The following FMNL2 variants were observed in gnomAD, a reference collection of about 807,000 sequenced individuals.
The protein encoded by FMNL2 is formin like 2, also known as formin-like protein 2.
A neutral mutation model predicts 130.2 loss-of-function variants in FMNL2; 51 were observed. The ratio of observed to expected loss-of-function variants is 0.39; its 90% CI spans 0.31 to 0.49. The LOEUF (loss-of-function observed/expected upper bound fraction) is 0.49. Among genes scored for constraint, FMNL2 ranks in the 20% least tolerant of loss-of-function variants. FMNL2 has a pLI of 0.85. For synonymous variants in FMNL2, 465 were observed against 467.1 expected, an observed-to-expected ratio of 1.00 and a Z score of 0.06; for missense variants, 977 against 1,316.2, an observed-to-expected ratio of 0.74 and a Z score of 3.99.
rs983387093 is a variant in FMNL2, at chr2:152,577,298, A to G, written c.706-1590A>G. Among the ~76,000 whole-genome samples the G allele has an allele frequency of 2.0e-5, 3 of 152,242 alleles. No homozygotes were observed. The East Asian group carries it at 5.8e-4, about 29-fold the overall frequency. The stretch of plus-strand genomic sequence containing the variant: ...CTGTGAGATATATTTGCTATCTACA[A>G]AGATGGGAAGACTGCAGGATAGATG... On this transcript the variant is annotated intron_variant, in intron 7 of 25. Transcript: ENST00000288670.
chr2:152,517,361 T>C (rs7591606), intron 1 of FMNL2, among the ~76,000 whole-genome samples: 124,031 of 152,106 alleles, frequency 0.82, 51,211 homozygotes, highest in Non-Finnish European at 0.9. Context: ...TTCAACAACC[T>C]GCTTAATGCC....
intron 1 of FMNL2, among the ~76,000 whole-genome samples, chr2:152,476,264 A>G (rs1690147339): frequency 6.6e-6 from 1 of 152,208 alleles, no homozygotes; most frequent in African/African-American, 2.4e-5. Flanking sequence ...CCATTTGATG[A>G]TATATTTGTA....
At chr2:152,620,765 A>G (rs1046812951) in intron 15 of FMNL2, among the ~76,000 whole-genome samples, 2 of 152,140 alleles carry the variant, frequency 1.3e-5, no homozygotes, top group African/African-American at 4.8e-5. Flanking sequence ...ATTCATCCCA[A>G]TGACTGGAGC....
intron 2 of FMNL2, among the ~76,000 whole-genome samples, chr2:152,535,414 C>T (rs1579905712): frequency 6.6e-6 from 1 of 152,206 alleles, no homozygotes; most frequent in African/African-American, 2.4e-5. Flanking sequence ...GGAAGAGCCT[C>T]ACCTTTCTTT....
intron 1 of FMNL2, among the ~76,000 whole-genome samples, chr2:152,401,488 AAG>A (rs1685689292): frequency 6.6e-6 from 1 of 152,220 alleles, no homozygotes; most frequent in Non-Finnish European, 1.5e-5. Flanking sequence ...TTTATGCTTG[AAG>A]AATTCTTCCT....
At chr2:152,605,307 CGTGTGT>C (rs376630272) in intron 9 of FMNL2, among the ~76,000 whole-genome samples, 1 of 148,160 alleles carries the variant, frequency 6.7e-6, no homozygotes, top group Non-Finnish European at 1.5e-5. Flanking sequence ...TGTGCGTGTG[CGTGTGT>C]GTGTGCGTGT....
intron 1 of FMNL2, among the ~76,000 whole-genome samples, chr2:152,368,846 C>T (rs993912778): frequency 2.0e-5 from 3 of 152,120 alleles, no homozygotes; most frequent in African/African-American, 4.8e-5. Flanking sequence ...TTTTTTCCTC[C>T]TGACTTTTGA....
chr2:152,356,114 A>G (rs967857940), intron 1 of FMNL2, among the ~76,000 whole-genome samples: 1 of 152,172 alleles, frequency 6.6e-6, no homozygotes, highest in Non-Finnish European at 1.5e-5. Flanking sequence ...ATGTTGATGC[A>G]TGTGGCTTTA....
intron 5 of FMNL2, among the ~76,000 whole-genome samples, chr2:152,559,417 C>T (rs1039310870): frequency 6.6e-6 from 1 of 152,156 alleles, no homozygotes; most frequent in African/African-American, 2.4e-5. Flanking sequence ...GATTCTCCTG[C>T]CTCAGCCTCC....
chr2:152,382,751 A>T (rs1415270396), intron 1 of FMNL2, among the ~76,000 whole-genome samples: 1 of 152,216 alleles, frequency 6.6e-6, no homozygotes, highest in East Asian at 1.9e-4. Context: ...AAAATCACAT[A>T]CACCTTTATT....
At chr2:152,475,838 A>C (rs753783080) in intron 1 of FMNL2, among the ~76,000 whole-genome samples, 1 of 152,148 alleles carries the variant, frequency 6.6e-6, no homozygotes, top group Non-Finnish European at 1.5e-5. Context: ...AAAAAAAGGC[A>C]AGTTGGTGAG....
At chr2:152,644,686 C>A (rs995479407) in intron 25 of FMNL2, among the ~76,000 whole-genome samples, 5 of 152,346 alleles carry the variant, frequency 3.3e-5, no homozygotes, top group Admixed American at 1.3e-4. Context: ...ATTCACGCAT[C>A]TTCACCGGTA....
In FMNL2 at chr2:152,594,175, C is replaced by A. The variant is rs143384045; in HGVS notation, c.876+13126C>A. On this transcript the variant is annotated intron_variant, in intron 9 of 25. Transcript: ENST00000288670. The stretch of plus-strand genomic sequence containing the variant: ...AGTTAGTCAAGTGGTTTTTATATAT[C>A]TTCCAAGTCTACAATTTTATGATTC... Among the ~76,000 whole-genome samples the A allele has an allele frequency of 7.6e-3, 1,158 of 152,222 alleles. 16 individuals are homozygous for A. The highest frequency in any genetic ancestry group is 0.026 in the African/African-American group (1,068 of 41,530).
intron 6 of FMNL2, among the ~76,000 whole-genome samples, chr2:152,570,536 C>T (rs562545188): frequency 6.6e-6 from 1 of 152,326 alleles, no homozygotes; most frequent in East Asian, 1.9e-4. Flanking sequence ...CCCAAAGGCT[C>T]TTCTTGCCAG....
chr2:152,476,028 G>A (rs1426190910), intron 1 of FMNL2, among the ~76,000 whole-genome samples: 1 of 152,214 alleles, frequency 6.6e-6, no homozygotes, highest in African/African-American at 2.4e-5. Context: ...GTATCCCTGA[G>A]TAGGGTGGTA....
At chr2:152,393,005 A>T (rs1685201084) in intron 1 of FMNL2, among the ~76,000 whole-genome samples, 1 of 151,218 alleles carries the variant, frequency 6.6e-6, no homozygotes, top group Non-Finnish European at 1.5e-5. Flanking sequence ...GTCCTCTTTC[A>T]GGCCTCCAGC....
chr2:152,572,062 A>C (rs1235315086), intron 6 of FMNL2, among the ~76,000 whole-genome samples: 1 of 152,120 alleles, frequency 6.6e-6, no homozygotes, highest in Admixed American at 6.5e-5. Context: ...AGATTTTCAA[A>C]GCTGAGTTTT....
intron 1 of FMNL2, among the ~76,000 whole-genome samples, chr2:152,495,820 G>GAATGA (rs111504684): frequency 0.073 from 11,091 of 151,882 alleles, 653 homozygotes; most frequent in Admixed American, 0.21. Flanking sequence ...AAGAACTAGA[G>GAATGA]AATGACGTGG....
chr2:152,522,343 A>G (rs1035934126), intron 2 of FMNL2, among the ~76,000 whole-genome samples: 3 of 152,230 alleles, frequency 2.0e-5, no homozygotes, highest in Non-Finnish European at 4.4e-5. Flanking sequence ...CTGGGCACAT[A>G]GTAGGTGCCT....
Sources: allele counts gnomAD v4.1 joint callset (sites outside exome capture counted in the v4.1 genomes callset), GRCh38; gene constraint gnomAD v4.1.1; transcripts MANE v1.5; gene names NCBI Gene and HGNC (gene_info 2026-07-23, HGNC 2026-07-21).